The following SGIP1 variants were observed in gnomAD, a reference collection of about 807,000 sequenced individuals.
SGIP1 encodes the protein SH3GL interacting endocytic adaptor 1.
A neutral mutation model predicts 107.5 loss-of-function variants in SGIP1; 38 were observed. The observed-to-expected ratio is 0.35, with a 90% CI of 0.27 to 0.46. The LOEUF is 0.46. Among genes scored for constraint, SGIP1 ranks in the 20% least tolerant of loss-of-function variants. The pLI, the probability that SGIP1 is intolerant of heterozygous loss-of-function variation, is 1.00. For missense variants in SGIP1, 929 were observed against 1,019.5 expected (o/e 0.91, Z 1.21); for synonymous variants, 365 against 366.1 (o/e 1.00, Z 0.03).
At chr1:66,668,371 A>T (rs2083052977) in intron 9 of SGIP1, among the ~76,000 whole-genome samples, 1 of 151,990 alleles carries the variant, frequency 6.6e-6, no homozygotes, top group Admixed American at 6.6e-5. Flanking sequence ...TTGTATTTTT[A>T]GTAGAGACAG....
chr1:66,638,041 A>G (rs1423483722), intron 4 of SGIP1, among the ~76,000 whole-genome samples: 1 of 151,982 alleles, frequency 6.6e-6, no homozygotes, highest in Non-Finnish European at 1.5e-5. Context: ...CTAGATCACA[A>G]AATTCATGAG....
intron 1 of SGIP1, among the ~76,000 whole-genome samples, chr1:66,567,535 T>C (rs545232161): frequency 2.6e-5 from 4 of 152,328 alleles, no homozygotes; most frequent in Admixed American, 2.6e-4. Context: ...ATTTTCATTT[T>C]TGTTGCAATG....
chr1:66,618,906 T>TA (rs2070174298), intron 1 of SGIP1, among the ~76,000 whole-genome samples: 1 of 152,234 alleles, frequency 6.6e-6, no homozygotes, highest in South Asian at 2.1e-4. Context: ...AATTGGGTTT[T>TA]AAACCCAGAT....
intron 1 of SGIP1, among the ~76,000 whole-genome samples, chr1:66,562,700 A>G (rs185231259): frequency 2.2e-4 from 33 of 152,226 alleles, no homozygotes; most frequent in Non-Finnish European, 3.4e-4. Context: ...GCCCCTGGGC[A>G]GAGCCAAGGA....
At chr1:66,638,343 C>T (rs1270266208) in intron 4 of SGIP1, among the ~76,000 whole-genome samples, 2 of 152,086 alleles carry the variant, frequency 1.3e-5, no homozygotes, top group African/African-American at 2.4e-5. Context: ...AGGCAGAGTT[C>T]GTATGACAGG....
chr1:66,635,871 T>C, intron 3 of SGIP1, 73 bp from the exon 4 acceptor site: 1 of 1,470,906 alleles, frequency 6.8e-7, no homozygotes. Flanking sequence ...CTCCATGTAA[T>C]TCTTTATATG....
At chr1:66,577,496 C>T (rs998999296) in intron 1 of SGIP1, among the ~76,000 whole-genome samples, 21 of 152,242 alleles carry the variant, frequency 1.4e-4, no homozygotes, top group African/African-American at 5.1e-4. Context: ...CTTATTCTGA[C>T]CACAACAGGG....
rs1557603840 is a variant in SGIP1 at position 66,681,932 on chromosome 1, G to C, written c.878G>C (p.Ser293Thr). ...EKLPSINDLDSIFGPVLSPKS... is the reference protein window; with the variant it reads ...EKLPSINDLDTIFGPVLSPKS... ...CTACCATCCATCAATGACTTGGACA[G>C]CATTTTTGGGCCAGTATTGTCCCCC... The change falls in exon 15 of 25, where the codon AGC becomes ACC. Residue 293 changes from serine to threonine, a missense_variant. By Grantham distance (58) the Ser-to-Thr change is moderately conservative (BLOSUM62 1). This residue lies in a region of SGIP1 where 588 missense variants were observed against 588.6 expected (regional missense o/e 1.00). Coordinates refer to ENST00000371037, the MANE Select transcript of SGIP1 (RefSeq NM_032291.4). 1.2e-6 allele frequency: 2 copies of C among 1,614,156 alleles called. No homozygotes were observed. Among genetic ancestry groups the C allele is most frequent in the Non-Finnish European group, 1.7e-6 (2 of 1,180,022 alleles).
chr1:66,671,073 TC>T, intron 10 of SGIP1, 54 bp downstream of exon 10: 1 of 946,768 alleles, frequency 1.1e-6, no homozygotes, highest in Non-Finnish European at 1.6e-6. Flanking sequence ...AAAGAACAGT[TC>T]CTTGGATCTT....
At chr1:66,571,150 T>G (rs1178756253) in intron 1 of SGIP1, among the ~76,000 whole-genome samples, 6 of 151,876 alleles carry the variant, frequency 4.0e-5, no homozygotes, top group African/African-American at 1.4e-4. Context: ...CTACAAGTTA[T>G]AGGAAACAGA....
At chr1:66,687,863 C>T (rs4655651) in intron 15 of SGIP1, among the ~76,000 whole-genome samples, 39,223 of 152,106 alleles carry the variant, frequency 0.26, 6,663 homozygotes, top group East Asian at 0.76. Context: ...AGGTTTCACA[C>T]GAATGTGATT....
intron 1 of SGIP1, among the ~76,000 whole-genome samples, chr1:66,611,660 A>C (rs576856982): frequency 1.3e-5 from 2 of 152,334 alleles, no homozygotes; most frequent in African/African-American, 4.8e-5. Context: ...TGATAGCTTC[A>C]TGCGATGGGA....
intron 15 of SGIP1, among the ~76,000 whole-genome samples, chr1:66,685,483 G>C (rs555040871): frequency 6.6e-6 from 1 of 152,202 alleles, no homozygotes; most frequent in Non-Finnish European, 1.5e-5. Flanking sequence ...GAGGCAAAGA[G>C]TTTTGTTGGC....
At chr1:66,712,556 T>G (rs560363400) in intron 18 of SGIP1, among the ~76,000 whole-genome samples, 1 of 152,276 alleles carries the variant, frequency 6.6e-6, no homozygotes, top group Admixed American at 6.5e-5. Context: ...ACCTGTGCAT[T>G]TTGCTTTTTT....
At chr1:66,564,389 G>A (rs910398125) in intron 1 of SGIP1, among the ~76,000 whole-genome samples, 1 of 151,898 alleles carries the variant, frequency 6.6e-6, no homozygotes, top group Non-Finnish European at 1.5e-5. Flanking sequence ...AGCAGAGAGT[G>A]ACCGGATGAA....
intron 1 of SGIP1, among the ~76,000 whole-genome samples, chr1:66,545,700 T>G (rs995916320): frequency 2.7e-5 from 4 of 146,908 alleles, no homozygotes; most frequent in African/African-American, 1.0e-4. Flanking sequence ...AGAGAGGAAT[T>G]TTTAAGTAAG....
At position 66,631,087 on chromosome 1, in the gene SGIP1, GAAAGAAAGAAAGA is replaced by G. The variant is rs1348291026; in HGVS notation, c.75-1979_75-1967del. 2.5e-3 allele frequency among the ~76,000 whole-genome samples: 340 copies of G among 135,328 alleles called. 4 individuals carry two copies. The East Asian group carries it at 0.028, about 11-fold the overall frequency. 88.8% of individuals were successfully genotyped at this position (135,328 alleles called of 152,430 possible). On this transcript the variant is annotated intron_variant, in intron 2 of 24. Transcript: ENST00000371037. ...AGAAAGAAAGAAAGAAAGAAAGAAA[GAAAGAAAGAAAGA>G]AAAAAAGAAAGACTGACTCAGTATA...
At chr1:66,654,159 T>C (rs191655509) in intron 7 of SGIP1, among the ~76,000 whole-genome samples, 9 of 152,330 alleles carry the variant, frequency 5.9e-5, no homozygotes, top group Admixed American at 5.9e-4. Context: ...TCTGCTATAA[T>C]GCAACTTACA....
chr1:66,703,299 G>A (rs1291477003), intron 18 of SGIP1, among the ~76,000 whole-genome samples: 1 of 152,106 alleles, frequency 6.6e-6, no homozygotes, highest in African/African-American at 2.4e-5. Flanking sequence ...TGGTAGAATT[G>A]CAAAAATGTT....
Sources: allele counts gnomAD v4.1 joint callset (sites outside exome capture counted in the v4.1 genomes callset), GRCh38; gene constraint gnomAD v4.1.1; regional missense constraint gnomAD v4.1.1; transcripts MANE v1.5; gene names NCBI Gene and HGNC (gene_info 2026-07-23, HGNC 2026-07-21).